Variants in LIN7C observed in about 807,000 individuals in gnomAD.
LIN7C encodes protein lin-7 homolog C.
Under a neutral mutation model 24.7 loss-of-function variants are expected in LIN7C, and 17 were observed. The observed-to-expected ratio is 0.69, with a 90% confidence interval of 0.47 to 1.03. The LOEUF is 1.03. Ranked by LOEUF, LIN7C falls within the 50% of genes least tolerant of loss-of-function variation. LIN7C has a pLI of 0.00. For synonymous variants in LIN7C, 90 were observed against 83.4 expected (o/e 1.08, Z -0.43); for missense variants, 204 against 239.0 (o/e 0.85, Z 0.97).
At chr11:27,504,393 T>C (rs1590444005) in intron 1 of LIN7C, among the ~76,000 whole-genome samples, 1 of 152,234 alleles carries the variant, frequency 6.6e-6, no homozygotes, top group East Asian at 1.9e-4. Context: ...TTTCATTAAA[T>C]CATAGTTTGA....
chr11:27,499,317 T>C (rs1865198633), intron 4 of LIN7C, 42 bp downstream of exon 4: 1 of 1,553,728 alleles, frequency 6.4e-7, no homozygotes, highest in African/African-American at 1.4e-5. Flanking sequence ...CCCCAGGTGG[T>C]CACAACAGAT....
At position 27,499,626 on chromosome 11, in the gene LIN7C, CT is replaced by C; in HGVS notation, c.229-59del. ...CTTTTATTTACTTCAGTTCTTTCAT[CT>C]TTTGTTTCCCCCCGAGATGGAGTCT... On this transcript the variant is annotated intron_variant, in intron 3 of 4. Coordinates refer to ENST00000278193, the MANE Select transcript of LIN7C (RefSeq NM_018362.4). 4.7e-6 allele frequency: 7 copies of C among 1,475,882 alleles called. No individual in the cohort carries two copies. The South Asian group carries it at 7.0e-5, about 15-fold the overall frequency. The allele number at this position is 1,475,882 out of a possible 1,614,324, so 91.4% of individuals were successfully genotyped here. A position where few individuals can be genotyped will look rare whatever the true frequency, so the allele number is the denominator to read the frequency against.
chr11:27,506,601 C>T, intron 1 of LIN7C, 115 bp downstream of exon 1: 2 of 1,238,082 alleles, frequency 1.6e-6, no homozygotes, highest in Non-Finnish European at 2.3e-6. Context: ...CTGGCGCCGG[C>T]ACAAGGGACA....
Position 27,499,437 on chromosome 11 carries a change from G to C in LIN7C, c.360C>G (p.Ser120=). 6.2e-7 allele frequency: 1 copy of C among 1,614,086 alleles called. No individual in the cohort carries two copies. The highest frequency in any genetic ancestry group is 1.7e-5 in the Admixed American group (1 of 60,020). The change falls in exon 4 of 5, where the codon TCC becomes TCG. Residue 120 remains serine, a synonymous_variant. Coordinates refer to ENST00000278193, the MANE Select transcript of LIN7C (RefSeq NM_018362.4). ...GKEQNSPIYI[S]RIIPGGIADR... ...CAGCAATTCCACCTGGAATTATTCGGGATATATAGATTGGAGAGTTTTGTT... is the reference window on the plus strand; with the variant it reads ...CAGCAATTCCACCTGGAATTATTCGCGATATATAGATTGGAGAGTTTTGTT...
intron 2 of LIN7C, 52 bp from the exon 3 acceptor site, chr11:27,501,618 G>GAAGTT: frequency 1.6e-6 from 2 of 1,213,918 alleles, no homozygotes; most frequent in Non-Finnish European, 2.2e-6. Context: ...AGTTCTCTGT[G>GAAGTT]AAGTTAAAAT....
Position 27,495,853 on chromosome 11 carries a change from C to T in LIN7C, c.*2796G>A, listed in dbSNP as rs995417387. ...CTTGGCCAGGTGCAGTGGCTCACGC[C>T]TATAATCCTAATGCTTTGGGAGGCT... On this transcript the variant is annotated 3_prime_UTR_variant, in exon 5 of 5. Transcript: ENST00000278193. The T allele has an allele frequency of 6.6e-6, 1 of 151,936 alleles. No homozygotes were observed. The highest frequency in any genetic ancestry group is 1.5e-5 in the Non-Finnish European group (1 of 68,030). 9.4% of individuals were successfully genotyped at this position (151,936 alleles called of 1,614,324 possible).
chr11:27,496,471 T>C lies in LIN7C; in HGVS notation c.*2178A>G, dbSNP rs574762993. On this transcript the variant is annotated 3_prime_UTR_variant, in exon 5 of 5. Coordinates refer to ENST00000278193, the MANE Select transcript of LIN7C (RefSeq NM_018362.4). Reference sequence around the variant, plus strand: ...ATCTTTGCCAATGAATGACTGTATTTTTCTATGGTCAAGATTTAAAATTCT... The same window carrying C: ...ATCTTTGCCAATGAATGACTGTATTCTTCTATGGTCAAGATTTAAAATTCT... 1 of 152,342 alleles carries C rather than the reference T, an allele frequency of 6.6e-6. No individual in the cohort carries two copies. The highest frequency in any genetic ancestry group is 1.9e-4 in the East Asian group (1 of 5,194). 9.4% of individuals were successfully genotyped at this position (152,342 alleles called of 1,614,324 possible).
intron 1 of LIN7C, among the ~76,000 whole-genome samples, chr11:27,503,165 A>G (rs553082916): frequency 1.3e-5 from 2 of 152,256 alleles, no homozygotes; most frequent in African/African-American, 4.8e-5. Flanking sequence ...AAAAACCCTA[A>G]GAGGTTGTAT....
chr11:27,499,836 C>G (rs1865206079), intron 3 of LIN7C, among the ~76,000 whole-genome samples: 1 of 152,124 alleles, frequency 6.6e-6, no homozygotes. Context: ...ACCACATTAG[C>G]CAGGATGGTC....
intron 1 of LIN7C, among the ~76,000 whole-genome samples, chr11:27,503,864 C>T (rs1165594711): frequency 6.6e-6 from 1 of 152,066 alleles, no homozygotes; most frequent in Non-Finnish European, 1.5e-5. Context: ...GTTGCTGAGG[C>T]TGGGGTGCAG....
At position 27,499,555 on chromosome 11, in the gene LIN7C, G is replaced by A. The variant is rs377657703; in HGVS notation, c.242C>T (p.Ala81Val). 8 of 1,613,898 alleles carry A rather than the reference G, an allele frequency of 5.0e-6. No homozygotes were observed. In the African/African-American group the frequency reaches 9.3e-5, roughly 19 times the overall value. ...AGAATGTCCTTCACTGGCAGCAAAT[G>A]CAGCAACAGTAGCCTGAAAGAAAGT... is the stretch of plus-strand genomic sequence containing the variant. ...ANATAKATVA[A>V]FAASEGHSHP... The change falls in exon 4 of 5, where the codon GCA becomes GTA. Residue 81 changes from alanine (A) to valine (V), a missense_variant. This residue lies in a region of LIN7C where 126 missense variants were observed against 117.8 expected (regional missense o/e 1.07). Transcript: ENST00000278193.
In LIN7C at chr11:27,501,938, C is replaced by G. The variant is rs370494030; in HGVS notation, c.38-18G>C. 124 of 1,470,282 alleles carry G rather than the reference C, an allele frequency of 8.4e-5. No individual in the cohort carries two copies. The highest frequency in any genetic ancestry group is 1.2e-4 in the Non-Finnish European group (122 of 1,052,396). The allele number at this position is 1,470,282 out of a possible 1,614,324, so 91.1% of individuals were successfully genotyped here. On this transcript the variant is annotated intron_variant, in intron 1 of 4. Transcript: ENST00000278193. The stretch of plus-strand genomic sequence containing the variant: ...ACAAATATCTAGAGTTAAACACACA[C>G]ACAGATAATTTTCTCCAAGGGTTTT...
At chr11:27,501,365 T>G in intron 3 of LIN7C, 130 bp downstream of exon 3, 20 of 641,350 alleles carry the variant, frequency 3.1e-5, no homozygotes, top group Middle Eastern at 4.1e-4. Context: ...TCTTAGTACT[T>G]GAGAAATTTG....
intron 1 of LIN7C, among the ~76,000 whole-genome samples, chr11:27,504,549 T>C (rs1222404661): frequency 3.3e-5 from 5 of 152,220 alleles, no homozygotes; most frequent in African/African-American, 1.2e-4. Flanking sequence ...TGATGTAATC[T>C]GACTTTCTTA....
At chr11:27,499,599 G>C in intron 3 of LIN7C, 31 bp from the exon 4 acceptor site, 2 of 1,578,238 alleles carry the variant, frequency 1.3e-6, no homozygotes, top group Non-Finnish European at 1.7e-6. Context: ...TTAAAAATAT[G>C]ACTTTTATTT....
In LIN7C at chr11:27,505,654, GT is replaced by G. The variant is rs765748861; in HGVS notation, c.37+1061del. Among the ~76,000 whole-genome samples, 10 of 152,304 alleles carry G rather than the reference GT, an allele frequency of 6.6e-5. No homozygotes were observed. In the South Asian group the frequency reaches 1.0e-3, roughly 16 times the overall value. Reference sequence around the variant, plus strand: ...TTTGTGGGAAGGCATTAGGAAAGAGGTTTTTCTAAGTACAGTAATTCTAAAA... The same window carrying G: ...TTTGTGGGAAGGCATTAGGAAAGAGGTTTTCTAAGTACAGTAATTCTAAAA... On this transcript the variant is annotated intron_variant, in intron 1 of 4. Transcript: ENST00000278193.
At chr11:27,501,990 G>A in intron 1 of LIN7C, 70 bp from the exon 2 acceptor site, 1 of 910,226 alleles carries the variant, frequency 1.1e-6, no homozygotes, top group Non-Finnish European at 1.8e-6. Context: ...CAGTGGGGCA[G>A]TTAGGATTCA....
At chr11:27,499,697 A>T in intron 3 of LIN7C, 129 bp from the exon 4 acceptor site, 1 of 760,454 alleles carries the variant, frequency 1.3e-6, no homozygotes, top group South Asian at 1.8e-5. Context: ...ATCTTGGCTC[A>T]CTGCAAGCTC....
rs372064844 is a variant in LIN7C, at chr11:27,498,644, A to G, written c.*5T>C. ...GCAAAATGAAATATCAAGTTTTGAA[A>G]TGTATTAGGTCTGTTGCCTGCGTTT... is the stretch of plus-strand genomic sequence containing the variant. On this transcript the variant is annotated 3_prime_UTR_variant, in exon 5 of 5. Coordinates refer to ENST00000278193, the MANE Select transcript of LIN7C (RefSeq NM_018362.4). The G allele has an allele frequency of 5.8e-5, 93 of 1,601,738 alleles. No homozygotes were observed. The highest frequency in any genetic ancestry group is 7.6e-5 in the Non-Finnish European group (89 of 1,175,184).
Sources: gnomAD v4.1 joint callset for allele counts (sites outside exome capture counted in the v4.1 genomes callset) on GRCh38, gnomAD v4.1.1 for gene constraint, gnomAD v4.1.1 regional missense constraint, MANE v1.5 for transcripts, NCBI Gene and HGNC (gene_info 2026-07-23, HGNC 2026-07-21) for gene names.